VDAC1: variants seen among roughly 807,000 people sequenced by gnomAD.
VDAC1 encodes non-selective voltage-gated ion channel VDAC1.
Under a neutral mutation model 34.7 loss-of-function variants are expected in VDAC1, and 10 were observed. That is an observed-to-expected ratio of 0.29 (90% CI 0.18 to 0.49). The LOEUF (loss-of-function observed/expected upper bound fraction) is 0.49, where lower values mean the gene tolerates loss of function less well. Ranked by LOEUF, VDAC1 falls within the 20% of genes least tolerant of loss-of-function variation. The pLI is 0.99. For synonymous variants in VDAC1, 130 were observed against 136.0 expected (o/e 0.96, Z 0.30); for missense variants, 230 against 347.9 (o/e 0.66, Z 2.69).
chr5:134,042,768 G>A, the VDAC1 span, among the ~76,000 whole-genome samples: 2 of 152,218 alleles, frequency 1.3e-5, no homozygotes, highest in South Asian at 2.1e-4. Flanking sequence ...GATTACAGGC[G>A]TGAGCCACCA....
At chr5:134,030,754 T>C in the VDAC1 span, among the ~76,000 whole-genome samples, 1 of 152,250 alleles carries the variant, frequency 6.6e-6, no homozygotes, top group East Asian at 1.9e-4. Context: ...ATTACAGGCC[T>C]CTGCCACCAC....
chr5:134,083,795 A>T, the VDAC1 span, among the ~76,000 whole-genome samples: 3 of 152,218 alleles, frequency 2.0e-5, no homozygotes, highest in African/African-American at 7.2e-5. Flanking sequence ...GACAAGAGAG[A>T]CCCAGAGGAC....
the VDAC1 span, among the ~76,000 whole-genome samples, chr5:134,020,731 C>G: frequency 6.6e-6 from 1 of 152,062 alleles, no homozygotes; most frequent in Non-Finnish European, 1.5e-5. Context: ...GGCTGGAGTG[C>G]AGTGGCGCGA....
At chr5:134,065,427 G>A in the VDAC1 span, among the ~76,000 whole-genome samples, 2 of 143,488 alleles carry the variant, frequency 1.4e-5, no homozygotes, top group African/African-American at 5.2e-5. Flanking sequence ...TGCAACCTCT[G>A]CCTCCTGGGT....
At chr5:134,086,689 T>TCCTTCC in the VDAC1 span, among the ~76,000 whole-genome samples, 5 of 152,178 alleles carry the variant, frequency 3.3e-5, no homozygotes, top group South Asian at 2.1e-4. Flanking sequence ...TCTTCCTTCT[T>TCCTTCC]CCTTCCCCTT....
chr5:134,017,899 C>G, the VDAC1 span, among the ~76,000 whole-genome samples: 3 of 152,104 alleles, frequency 2.0e-5, no homozygotes, highest in African/African-American at 7.2e-5. Flanking sequence ...GGCAACAGAG[C>G]GAGACTCCGT....
the VDAC1 span, among the ~76,000 whole-genome samples, chr5:134,109,803 G>A: frequency 6.8e-6 from 1 of 147,174 alleles, no homozygotes; most frequent in African/African-American, 2.6e-5. Context: ...GAACTTAGAG[G>A]CATCTGCAGC....
At chr5:134,085,133 A>T in the VDAC1 span, among the ~76,000 whole-genome samples, 5 of 150,944 alleles carry the variant, frequency 3.3e-5, no homozygotes, top group African/African-American at 1.2e-4. Context: ...CAGTGGCGCG[A>T]TCTCAGCTCA....
the VDAC1 span, among the ~76,000 whole-genome samples, chr5:134,039,471 G>A: frequency 6.6e-6 from 1 of 151,888 alleles, no homozygotes; most frequent in Non-Finnish European, 1.5e-5. Context: ...TGGGACTACA[G>A]GCTCCTGCCA....
the VDAC1 span, among the ~76,000 whole-genome samples, chr5:134,039,500 T>TC: frequency 8.6e-6 from 1 of 115,950 alleles, no homozygotes; most frequent in African/African-American, 3.0e-5. Context: ...GGCTAATTTT[T>TC]TGTATTTTTA....
At chr5:134,078,756 T>C in the VDAC1 span, among the ~76,000 whole-genome samples, 1 of 147,374 alleles carries the variant, frequency 6.8e-6, no homozygotes, top group Non-Finnish European at 1.5e-5. Context: ...GTTCAAGCAA[T>C]TCTCCTGCCT....
the VDAC1 span, among the ~76,000 whole-genome samples, chr5:134,101,508 C>T: frequency 2.0e-5 from 3 of 151,280 alleles, no homozygotes; most frequent in East Asian, 3.9e-4. Flanking sequence ...TGCAGTGAGC[C>T]GAGATCCACC....
the VDAC1 span, among the ~76,000 whole-genome samples, chr5:134,017,510 C>T: frequency 2.9e-3 from 447 of 152,074 alleles, 6 homozygotes; most frequent in Non-Finnish European, 2.3e-3. Flanking sequence ...AGAGTGAGGA[C>T]GTGAGGGCAG....
At chr5:134,056,830 C>T in the VDAC1 span, among the ~76,000 whole-genome samples, 1 of 152,164 alleles carries the variant, frequency 6.6e-6, no homozygotes, top group Non-Finnish European at 1.5e-5. Flanking sequence ...AGATTACAGG[C>T]ATGCACCACC....
the VDAC1 span, among the ~76,000 whole-genome samples, chr5:134,044,167 A>G: frequency 6.6e-6 from 1 of 152,174 alleles, no homozygotes; most frequent in Non-Finnish European, 1.5e-5. Context: ...TCATTTCCGT[A>G]TAGCTGTCCA....
the VDAC1 span, among the ~76,000 whole-genome samples, chr5:134,106,949 C>T: frequency 4.6e-5 from 7 of 152,340 alleles, no homozygotes; most frequent in South Asian, 1.4e-3. Flanking sequence ...TCCCTCTGGT[C>T]TCTGTCCTCC....
the VDAC1 span, among the ~76,000 whole-genome samples, chr5:134,040,137 A>G: frequency 1.3e-5 from 2 of 152,162 alleles, no homozygotes; most frequent in Non-Finnish European, 2.9e-5. Flanking sequence ...CTCCCATTCT[A>G]AAAGGAGCAA....
At chr5:134,012,068 A>G in the VDAC1 span, among the ~76,000 whole-genome samples, 1 of 152,144 alleles carries the variant, frequency 6.6e-6, no homozygotes, top group Non-Finnish European at 1.5e-5. Context: ...AGAAAGAAAA[A>G]AAGAAGAAAG....
chr5:134,086,449 T>C, the VDAC1 span, among the ~76,000 whole-genome samples: 2,959 of 152,244 alleles, frequency 0.019, 83 homozygotes, highest in African/African-American at 0.067. Flanking sequence ...CCAAGGGTGC[T>C]CGGATATTCA....
Sources: allele counts gnomAD v4.1 joint callset (sites outside exome capture counted in the v4.1 genomes callset), GRCh38; gene constraint gnomAD v4.1.1; transcripts MANE v1.5; gene names NCBI Gene and HGNC (gene_info 2026-07-23, HGNC 2026-07-21).